DAPL1: variants seen among roughly 807,000 people sequenced by gnomAD.
DAPL1 encodes the protein death associated protein like 1.
Under a neutral mutation model 12.9 loss-of-function variants are expected in DAPL1, and 17 were observed. The ratio of observed to expected loss-of-function variants is 1.32; its 90% confidence interval spans 0.90 to 1.98. DAPL1 has a LOEUF of 1.98. Among genes scored for constraint, DAPL1 ranks in the 30% most tolerant of loss-of-function variants. The pLI is 0.00. For synonymous variants in DAPL1, 51 were observed against 42.0 expected (o/e 1.21, Z -0.82); for missense variants, 157 against 125.7 (o/e 1.25, Z -1.19).
At chr2:158,801,778 T>C (rs537029878) in intron 1 of DAPL1, among the ~76,000 whole-genome samples, 1 of 152,126 alleles carries the variant, frequency 6.6e-6, no homozygotes, top group African/African-American at 2.4e-5. Context: ...CAAGGTCATA[T>C]AAAAACAGCA....
chr2:158,800,280 A>C (rs1453027280), intron 1 of DAPL1, among the ~76,000 whole-genome samples: 1 of 152,158 alleles, frequency 6.6e-6, no homozygotes, highest in African/African-American at 2.4e-5. Context: ...CCTTTACTTT[A>C]ATACACTGAG....
intron 1 of DAPL1, among the ~76,000 whole-genome samples, chr2:158,804,055 G>C (rs974810030): frequency 2.0e-5 from 3 of 152,070 alleles, no homozygotes; most frequent in African/African-American, 7.2e-5. Flanking sequence ...TTTCAGTCTT[G>C]GTTCCACTTC....
intron 3 of DAPL1, among the ~76,000 whole-genome samples, chr2:158,809,360 A>AAAAAAAAAAAG (rs2059218354): frequency 6.6e-6 from 1 of 151,180 alleles, no homozygotes; most frequent in Admixed American, 6.6e-5. Flanking sequence ...TCCATCTCAA[A>AAAAAAAAAAAG]AAAAAAAAGA....
chr2:158,815,817 G>C lies in DAPL1; in HGVS notation c.320G>C (p.Cys107Ser). The change falls in exon 4 of 4, where the codon TGT (cysteine) becomes TCT (serine). Residue 107 changes from cysteine to serine, a missense_variant. Cys to Ser is a moderately radical substitution (Grantham distance 112). Coordinates refer to ENST00000309950, the MANE Select transcript of DAPL1 (RefSeq NM_001017920.3). ...RIYIIQQPRK[C>S] ...TACATTATTCAGCAGCCTCGAAAATGTTAAGCCTGGATTTAAAACACAGCC... is the reference window on the plus strand; with the variant it reads ...TACATTATTCAGCAGCCTCGAAAATCTTAAGCCTGGATTTAAAACACAGCC... 6.2e-7 allele frequency: 1 copy of C among 1,607,142 alleles called. No homozygotes were observed. The highest frequency in any genetic ancestry group is 1.3e-5 in the African/African-American group (1 of 74,918).
At chr2:158,809,266 G>C (rs1327035882) in intron 3 of DAPL1, among the ~76,000 whole-genome samples, 3 of 144,200 alleles carry the variant, frequency 2.1e-5, no homozygotes, top group African/African-American at 7.8e-5. Context: ...GCTGAGGCAG[G>C]AGAATTGCTT....
At chr2:158,813,088 G>T (rs546904913) in intron 3 of DAPL1, among the ~76,000 whole-genome samples, 48 of 152,112 alleles carry the variant, frequency 3.2e-4, no homozygotes, top group Non-Finnish European at 6.0e-4. Flanking sequence ...CAGTAACATG[G>T]ATGGACCTTG....
At chr2:158,813,565 T>C (rs1323476278) in intron 3 of DAPL1, among the ~76,000 whole-genome samples, 1 of 150,572 alleles carries the variant, frequency 6.6e-6, no homozygotes, top group Non-Finnish European at 1.5e-5. Flanking sequence ...TTCTTTTTTT[T>C]TTTTTTTTGA....
chr2:158,801,591 T>C (rs547547743), intron 1 of DAPL1, among the ~76,000 whole-genome samples: 2 of 152,296 alleles, frequency 1.3e-5, no homozygotes, highest in East Asian at 3.9e-4. Flanking sequence ...TGCATATATA[T>C]ATATAATTTA....
In DAPL1 at chr2:158,804,369, G is replaced by C; in HGVS notation, c.146G>C (p.Ser49Thr). 1 of 1,603,192 alleles carries C rather than the reference G, an allele frequency of 6.2e-7. No homozygotes were observed. Reference protein sequence around the residue: ...HTKKTGFEKTSAIANVAKIQT... With the variant: ...HTKKTGFEKTTAIANVAKIQT... ...AAAAAAACAGGATTCGAGAAAACAA[G>C]GTAGGGACTCTTAATTTTTCTCCAT... The change falls in exon 2 of 4, where the codon AGT (serine) becomes ACT (threonine). Residue 49 changes from serine (S) to threonine (T), a missense_variant and splice_region_variant. Coordinates refer to ENST00000309950, the MANE Select transcript of DAPL1 (RefSeq NM_001017920.3).
At chr2:158,814,697 C>T (rs1011862182) in intron 3 of DAPL1, among the ~76,000 whole-genome samples, 4 of 152,200 alleles carry the variant, frequency 2.6e-5, no homozygotes, top group African/African-American at 9.7e-5. Context: ...AGAGCCCAAA[C>T]AAACCATGAA....
At chr2:158,813,367 A>T (rs951182629) in intron 3 of DAPL1, among the ~76,000 whole-genome samples, 2 of 152,168 alleles carry the variant, frequency 1.3e-5, no homozygotes, top group Non-Finnish European at 2.9e-5. Flanking sequence ...AACTGTACAC[A>T]CACTTTAAAA....
At chr2:158,815,250 C>T (rs1390986709) in intron 3 of DAPL1, among the ~76,000 whole-genome samples, 2 of 152,200 alleles carry the variant, frequency 1.3e-5, no homozygotes, top group African/African-American at 4.8e-5. Flanking sequence ...AGCAAATGTA[C>T]ACACTTAGAC....
intron 3 of DAPL1, among the ~76,000 whole-genome samples, chr2:158,813,025 A>ATT: frequency 6.6e-6 from 1 of 152,102 alleles, no homozygotes; most frequent in East Asian, 1.9e-4. Context: ...TGGTATATAT[A>ATT]TATACAATGG....
At chr2:158,814,354 G>A (rs930336351) in intron 3 of DAPL1, among the ~76,000 whole-genome samples, 5 of 151,846 alleles carry the variant, frequency 3.3e-5, no homozygotes, top group African/African-American at 1.2e-4. Flanking sequence ...TATCTCAATT[G>A]TGTTTTGTTT....
chr2:158,796,879 A>T (rs923336372), intron 1 of DAPL1, among the ~76,000 whole-genome samples: 7 of 152,204 alleles, frequency 4.6e-5, no homozygotes, highest in African/African-American at 1.7e-4. Context: ...AATTATTATG[A>T]ACTGTGACAC....
At chr2:158,801,758 A>C (rs73966746) in intron 1 of DAPL1, among the ~76,000 whole-genome samples, 5,812 of 152,258 alleles carry the variant, frequency 0.038, 328 homozygotes, top group African/African-American at 0.12. Context: ...CAAAACCCAT[A>C]AGAGATTGAC....
intron 3 of DAPL1, among the ~76,000 whole-genome samples, chr2:158,808,080 T>C (rs532528563): frequency 6.6e-6 from 1 of 152,256 alleles, no homozygotes; most frequent in South Asian, 2.1e-4. Flanking sequence ...CCTTATTCTA[T>C]GTCTAGTAGG....
At chr2:158,800,910 G>T (rs527329408) in intron 1 of DAPL1, among the ~76,000 whole-genome samples, 11 of 152,234 alleles carry the variant, frequency 7.2e-5, no homozygotes, top group Admixed American at 6.5e-4. Context: ...TGCAATCTCA[G>T]CTCCCTGCAA....
intron 1 of DAPL1, among the ~76,000 whole-genome samples, chr2:158,803,238 G>A (rs1469868705): frequency 6.6e-6 from 1 of 152,196 alleles, no homozygotes; most frequent in Non-Finnish European, 1.5e-5. Flanking sequence ...GTAGGAGGGA[G>A]ACTGCAGACC....
Sources: allele counts gnomAD v4.1 joint callset (sites outside exome capture counted in the v4.1 genomes callset), GRCh38; gene constraint gnomAD v4.1.1; transcripts MANE v1.5; gene names NCBI Gene and HGNC (gene_info 2026-07-23, HGNC 2026-07-21).